The following TCF7L2 variants were observed in gnomAD, a reference collection of about 807,000 sequenced individuals.
TCF7L2 encodes transcription factor 7-like 2.
Under a neutral mutation model 77.9 loss-of-function variants are expected in TCF7L2, and 23 were observed. The ratio of observed to expected loss-of-function variants is 0.30; its 90% CI spans 0.21 to 0.42. The LOEUF (loss-of-function observed/expected upper bound fraction) is 0.42. Ranked by LOEUF, TCF7L2 falls within the 10% of genes least tolerant of loss-of-function variation. The pLI is 1.00. For missense variants in TCF7L2, 654 were observed against 793.1 expected (o/e 0.82, Z 2.11); for synonymous variants, 413 against 340.2 (o/e 1.21, Z -2.36).
At chr10:113,101,193 C>T (rs2061596501) in intron 5 of TCF7L2, among the ~76,000 whole-genome samples, 1 of 152,176 alleles carries the variant, frequency 6.6e-6, no homozygotes, top group Non-Finnish European at 1.5e-5. Flanking sequence ...TTGTTATTCC[C>T]TCTTTCAGAT....
At chr10:112,988,239 A>G (rs997979544) in intron 4 of TCF7L2, among the ~76,000 whole-genome samples, 30 of 151,990 alleles carry the variant, frequency 2.0e-4, no homozygotes, top group African/African-American at 7.2e-4. Context: ...CTGGGATTAC[A>G]GGTGCCTGCC....
At chr10:113,127,084 AT>A (rs1020159592) in intron 5 of TCF7L2, 65 of 257,042 alleles carry the variant, frequency 2.5e-4, no homozygotes, top group Non-Finnish European at 3.5e-4. Flanking sequence ...CAGTAGATTT[AT>A]TTTTTTTAGC....
At chr10:112,952,755 G>C (rs1037821715) in intron 3 of TCF7L2, among the ~76,000 whole-genome samples, 2 of 152,044 alleles carry the variant, frequency 1.3e-5, no homozygotes, top group Admixed American at 1.3e-4. Context: ...TGCCGGGCTC[G>C]GGGGGCGCTT....
intron 4 of TCF7L2, among the ~76,000 whole-genome samples, chr10:112,995,784 G>A (rs780382139): frequency 1.3e-5 from 2 of 152,116 alleles, no homozygotes; most frequent in Non-Finnish European, 2.9e-5. Flanking sequence ...TCAGAGTCGT[G>A]ATCATGCCCT....
rs5787989 is a variant in TCF7L2, at chr10:113,166,451, CT to C, written c.*494del. 627 of 176,894 alleles carry C rather than the reference CT, an allele frequency of 3.5e-3. No individual in the cohort carries two copies. The highest frequency in any genetic ancestry group is 6.0e-3 in the Middle Eastern group (3 of 502). 11.0% of individuals were successfully genotyped at this position (176,894 alleles called of 1,614,324 possible). A position where few individuals can be genotyped will look rare whatever the true frequency, so the allele number is the denominator to read the frequency against. On this transcript the variant is annotated 3_prime_UTR_variant, in exon 14 of 14. Coordinates refer to ENST00000627217, the MANE Select transcript of TCF7L2 (RefSeq NM_001146274.2). ...GGGCACCATGAATGCAGTGCCGTTA[CT>C]TTTTTTTTTTTTTTCTGTGTGAAAC...
chr10:113,027,584 G>A (rs1398094020), intron 4 of TCF7L2, among the ~76,000 whole-genome samples: 3 of 152,132 alleles, frequency 2.0e-5, no homozygotes, highest in Non-Finnish European at 4.4e-5. Flanking sequence ...GAATATCCCA[G>A]TGTTTCACAG....
intron 5 of TCF7L2, among the ~76,000 whole-genome samples, chr10:113,113,818 A>C (rs1016688553): frequency 6.6e-6 from 1 of 152,194 alleles, no homozygotes; most frequent in African/African-American, 2.4e-5. Context: ...AGAGAGGGGA[A>C]TAAGAATATT....
At chr10:113,032,191 A>T (rs1329468634) in intron 4 of TCF7L2, among the ~76,000 whole-genome samples, 1 of 152,176 alleles carries the variant, frequency 6.6e-6, no homozygotes, top group Non-Finnish European at 1.5e-5. Context: ...TAAGGGGCCC[A>T]TTGGTTGTGA....
chr10:113,144,021 C>G lies in TCF7L2; in HGVS notation c.784C>G (p.Pro262Ala), dbSNP rs1416532435. 1 of 1,612,536 alleles carries G rather than the reference C, an allele frequency of 6.2e-7. No individual in the cohort carries two copies. Among genetic ancestry groups the G allele is most frequent in the Non-Finnish European group, 8.5e-7 (1 of 1,178,918 alleles). ...CCCCCATCCGCTAGGATGGTTAGTA[C>G]CACAGTAAGGAGTTCCATTTTTTAA... The change falls in exon 7 of 14, where the codon CCA becomes GCA. Residue 262 changes from proline to alanine, a missense_variant. Pro to Ala is a conservative substitution (Grantham distance 27, BLOSUM62 -1). This residue lies in a region of TCF7L2 where 179 missense variants were observed against 270.6 expected (regional missense o/e 0.66). Transcript: ENST00000627217.
intron 3 of TCF7L2, among the ~76,000 whole-genome samples, chr10:112,961,009 AT>A (rs960656362): frequency 6.6e-6 from 1 of 151,092 alleles, no homozygotes; most frequent in Non-Finnish European, 1.5e-5. Flanking sequence ...CCTGGTTTTT[AT>A]TTTATTTTAT....
At position 113,058,112 on chromosome 10, in the gene TCF7L2, G is replaced by A. The variant is rs147368054; in HGVS notation, c.552+17986G>A. On this transcript the variant is annotated intron_variant, in intron 5 of 13. Transcript: ENST00000627217. Reference sequence around the variant, plus strand: ...TTAGGGCCTTTAAAGGGGGAAGAAGGTGGTGGCTATAAATGTTACAATCTT... The same window carrying A: ...TTAGGGCCTTTAAAGGGGGAAGAAGATGGTGGCTATAAATGTTACAATCTT... Among the ~76,000 whole-genome samples the A allele has an allele frequency of 3.6e-3, 545 of 152,322 alleles. 9 individuals are homozygous for A. Among genetic ancestry groups the A allele is most frequent in the South Asian group, 0.026 (126 of 4,830 alleles).
At chr10:113,002,306 C>G (rs1296220217) in intron 4 of TCF7L2, among the ~76,000 whole-genome samples, 1 of 152,144 alleles carries the variant, frequency 6.6e-6, no homozygotes, top group Non-Finnish European at 1.5e-5. Context: ...CTGCTGGATG[C>G]AAGTTGTTTA....
chr10:113,011,603 ACT>A (rs1245438920), intron 4 of TCF7L2, among the ~76,000 whole-genome samples: 3 of 151,944 alleles, frequency 2.0e-5, no homozygotes, highest in Admixed American at 6.6e-5. Context: ...GTTGAGTATT[ACT>A]GTCGAATTTT....
At chr10:113,040,427 C>CT (rs1314397165) in intron 5 of TCF7L2, among the ~76,000 whole-genome samples, 1 of 152,080 alleles carries the variant, frequency 6.6e-6, no homozygotes, top group East Asian at 1.9e-4. Context: ...ATGGAGGAGA[C>CT]TAGAGGTGGT....
intron 4 of TCF7L2, among the ~76,000 whole-genome samples, chr10:112,977,110 A>G (rs1044768488): frequency 1.3e-5 from 2 of 151,914 alleles, no homozygotes; most frequent in South Asian, 2.1e-4. Flanking sequence ...CTAATTGTGG[A>G]TGGATGAGCC....
At chr10:113,004,136 G>A (rs1021826956) in intron 4 of TCF7L2, among the ~76,000 whole-genome samples, 1 of 152,192 alleles carries the variant, frequency 6.6e-6, no homozygotes, top group Non-Finnish European at 1.5e-5. Context: ...TGAAGAGAGG[G>A]CGGACTTTTT....
intron 4 of TCF7L2, among the ~76,000 whole-genome samples, chr10:112,982,168 C>A (rs1327472991): frequency 1.3e-5 from 2 of 152,144 alleles, no homozygotes; most frequent in South Asian, 4.1e-4. Context: ...GTTTCCAGGT[C>A]AAAATTTCTC....
chr10:113,017,598 G>A (rs2047564365), intron 4 of TCF7L2, among the ~76,000 whole-genome samples: 1 of 152,236 alleles, frequency 6.6e-6, no homozygotes, highest in Non-Finnish European at 1.5e-5. Context: ...AGTTGAGCCA[G>A]GGAAAGGCTG....
chr10:113,080,498 C>CT (rs1323529567), intron 5 of TCF7L2, among the ~76,000 whole-genome samples: 1 of 152,090 alleles, frequency 6.6e-6, no homozygotes, highest in Non-Finnish European at 1.5e-5. Flanking sequence ...GCTGGCAAGT[C>CT]TTTTTTCAAG....
Sources: gnomAD v4.1 joint callset for allele counts (sites outside exome capture counted in the v4.1 genomes callset) on GRCh38, gnomAD v4.1.1 for gene constraint, gnomAD v4.1.1 regional missense constraint, MANE v1.5 for transcripts, NCBI Gene and HGNC (gene_info 2026-07-23, HGNC 2026-07-21) for gene names.